Variants in EVI5 observed in about 807,000 individuals in gnomAD.
The protein encoded by EVI5 is ecotropic viral integration site 5.
Under a neutral mutation model 112.0 loss-of-function variants are expected in EVI5, and 73 were observed. The observed-to-expected ratio is 0.65, with a 90% confidence interval of 0.54 to 0.79. The LOEUF is 0.79. Among genes scored for constraint, EVI5 ranks in the 30% least tolerant of loss-of-function variants. The pLI, the probability that EVI5 is intolerant of heterozygous loss-of-function variation, is 0.00. For missense variants in EVI5, 900 were observed against 968.8 expected, an observed-to-expected ratio of 0.93 and a Z score of 0.94; for synonymous variants, 305 against 319.9, an observed-to-expected ratio of 0.95 and a Z score of 0.50.
chr1:92,767,778 C>T (rs1451404838), intron 1 of EVI5, among the ~76,000 whole-genome samples: 1 of 152,128 alleles, frequency 6.6e-6, no homozygotes, highest in Non-Finnish European at 1.5e-5. Context: ...TTTATACAGA[C>T]TCAAATAAGC....
At chr1:92,677,878 A>C (rs1666993226) in intron 9 of EVI5, among the ~76,000 whole-genome samples, 1 of 152,198 alleles carries the variant, frequency 6.6e-6, no homozygotes, top group African/African-American at 2.4e-5. Context: ...GATTAAGGTT[A>C]ACATCACCAG....
intron 13 of EVI5, chr1:92,647,321 TG>T: frequency 4.6e-6 from 1 of 215,450 alleles, no homozygotes; most frequent in Non-Finnish European, 9.7e-6. Flanking sequence ...GATTTGATCT[TG>T]GGGTGAAATT....
At chr1:92,690,075 G>A (rs958503432) in intron 9 of EVI5, among the ~76,000 whole-genome samples, 4 of 151,272 alleles carry the variant, frequency 2.6e-5, no homozygotes, top group African/African-American at 7.3e-5. Context: ...ATGGGGTCTC[G>A]CTATGTTGCC....
intron 19 of EVI5, among the ~76,000 whole-genome samples, chr1:92,559,379 ACTAGCATTGT>A (rs1668164632): frequency 6.6e-6 from 1 of 152,130 alleles, no homozygotes; most frequent in African/African-American, 2.4e-5. Context: ...CTCCAGCCAC[ACTAGCATTGT>A]TTCTCAAAAT....
chr1:92,729,434 G>A (rs1160272965), intron 2 of EVI5, among the ~76,000 whole-genome samples: 1 of 152,160 alleles, frequency 6.6e-6, no homozygotes, highest in Non-Finnish European at 1.5e-5. Flanking sequence ...AGGTCACACA[G>A]ACATTACAAG....
At chr1:92,571,541 T>C (rs900111036) in intron 18 of EVI5, among the ~76,000 whole-genome samples, 1 of 152,178 alleles carries the variant, frequency 6.6e-6, no homozygotes, top group Non-Finnish European at 1.5e-5. Context: ...CATTTAAACT[T>C]GTTAATTCAA....
chr1:92,710,751 GTT>G (rs1491011021), intron 2 of EVI5, among the ~76,000 whole-genome samples: 4 of 143,168 alleles, frequency 2.8e-5, no homozygotes, highest in African/African-American at 5.2e-5. Flanking sequence ...TGAGATTGGG[GTT>G]GGGGGGGGGG....
chr1:92,549,654 A>G (rs1166402038), intron 19 of EVI5, among the ~76,000 whole-genome samples: 2 of 152,208 alleles, frequency 1.3e-5, no homozygotes, highest in East Asian at 3.8e-4. Context: ...ATTTACAAGA[A>G]AAAAACAAAC....
At chr1:92,556,380 G>GA (rs958101219) in intron 19 of EVI5, among the ~76,000 whole-genome samples, 91 of 150,416 alleles carry the variant, frequency 6.0e-4, no homozygotes, top group Middle Eastern at 3.4e-3. Context: ...CAAGCATAAG[G>GA]AAAAAAAAAT....
At position 92,667,406 on chromosome 1, in the gene EVI5, AC is replaced by A; in HGVS notation, c.1159-1415del. 1.3e-5 allele frequency among the ~76,000 whole-genome samples: 2 copies of A among 152,264 alleles called. 1 individual carries two copies. Among genetic ancestry groups the A allele is most frequent in the Admixed American group, 1.3e-4 (2 of 15,294 alleles). Reference sequence around the variant, plus strand: ...TTTATTAATTTTTTCTGAGAAAACAACTCCAATTACTAGTATCTCCTCATAG... The same window carrying A: ...TTTATTAATTTTTTCTGAGAAAACAATCCAATTACTAGTATCTCCTCATAG... On this transcript the variant is annotated intron_variant, in intron 10 of 19. Coordinates refer to ENST00000684568, the MANE Select transcript of EVI5 (RefSeq NM_001350197.2).
At chr1:92,787,301 C>T (rs538297315), upstream of EVI5, among the ~76,000 whole-genome samples, 48 of 152,256 alleles carry the variant, frequency 3.2e-4, no homozygotes, top group Non-Finnish European at 6.8e-4. Context: ...GATTTTATAT[C>T]ATTTTAGCTG....
At chr1:92,678,810 C>T (rs1264230310) in intron 9 of EVI5, among the ~76,000 whole-genome samples, 1 of 152,170 alleles carries the variant, frequency 6.6e-6, no homozygotes, top group Non-Finnish European at 1.5e-5. Context: ...AATTCTCCCT[C>T]AAAGGACAGA....
At chr1:92,783,815 A>G (rs1370398417) in intron 1 of EVI5, among the ~76,000 whole-genome samples, 1 of 150,254 alleles carries the variant, frequency 6.7e-6, no homozygotes, top group African/African-American at 2.4e-5. Flanking sequence ...TGTCAAAAAA[A>G]AAAAAAAAAA....
intron 2 of EVI5, among the ~76,000 whole-genome samples, chr1:92,731,653 A>T (rs1204967926): frequency 1.3e-5 from 2 of 152,220 alleles, no homozygotes; most frequent in Non-Finnish European, 2.9e-5. Context: ...ACTCAGTATA[A>T]GCCTACAATA....
Position 92,534,692 on chromosome 1 carries a change from T to A in EVI5, c.2167-20722A>T, listed in dbSNP as rs183361507. On this transcript the variant is annotated intron_variant, in intron 19 of 19. Coordinates refer to ENST00000684568, the MANE Select transcript of EVI5 (RefSeq NM_001350197.2). ...ACCAGAAATGGGAAAAGATTCCCTA[T>A]TTAATAAATGGAAAACTGGCTAGCC... Among the ~76,000 whole-genome samples the A allele has an allele frequency of 1.0e-3, 152 of 152,112 alleles. 1 individual carries two copies. The East Asian group carries it at 0.016, about 16-fold the overall frequency.
chr1:92,517,004 T>C (rs1477123525), intron 19 of EVI5, among the ~76,000 whole-genome samples: 1 of 152,190 alleles, frequency 6.6e-6, no homozygotes, highest in East Asian at 1.9e-4. Context: ...GTCAAAAATG[T>C]AGAATCCCTC....
At chr1:92,760,221 A>C (rs1681600868) in intron 1 of EVI5, among the ~76,000 whole-genome samples, 1 of 152,228 alleles carries the variant, frequency 6.6e-6, no homozygotes, top group Non-Finnish European at 1.5e-5. Flanking sequence ...AAAGATACAA[A>C]GTAAGGAAAT....
At chr1:92,744,839 G>A (rs12077455) in intron 1 of EVI5, among the ~76,000 whole-genome samples, 2,831 of 152,234 alleles carry the variant, frequency 0.019, 112 homozygotes, top group African/African-American at 0.064. Context: ...AAGTCCGTAA[G>A]TAAAATTTTT....
chr1:92,558,522 T>C (rs1366630544), intron 19 of EVI5, among the ~76,000 whole-genome samples: 3 of 152,192 alleles, frequency 2.0e-5, no homozygotes, highest in Non-Finnish European at 4.4e-5. Context: ...TGTTATGAGA[T>C]AAACATACTT....
Sources: allele counts gnomAD v4.1 joint callset (sites outside exome capture counted in the v4.1 genomes callset), GRCh38; gene constraint gnomAD v4.1.1; transcripts MANE v1.5; gene names NCBI Gene and HGNC (gene_info 2026-07-23, HGNC 2026-07-21).